The following N4BP2 variants were observed in gnomAD, a reference collection of about 807,000 sequenced individuals.
The protein encoded by N4BP2 is NEDD4 binding protein 2.
In N4BP2, 91 loss-of-function variants were observed where a neutral mutation model predicts 152.8. The observed-to-expected ratio is 0.60, with a 90% CI of 0.50 to 0.71. The LOEUF is 0.71. N4BP2 is among the 30% of genes least tolerant of loss of function. The pLI is 0.00. For missense variants in N4BP2, 1,923 were observed against 2,059.1 expected (o/e 0.93, Z 1.28); for synonymous variants, 646 against 705.3 (o/e 0.92, Z 1.33).
At chr4:40,179,763 T>G in the N4BP2 span, among the ~76,000 whole-genome samples, 77 of 139,238 alleles carry the variant, frequency 5.5e-4, no homozygotes, top group Non-Finnish European at 9.8e-4. Context: ...GCCTTTCTTT[T>G]TTTTTTTTTT....
the N4BP2 span, among the ~76,000 whole-genome samples, chr4:40,189,744 C>G: frequency 2.6e-5 from 4 of 152,004 alleles, no homozygotes; most frequent in African/African-American, 9.7e-5. This position sits in a 1 kb window ranked among gnomAD's most constrained non-coding sequence, Gnocchi z 4.3. Flanking sequence ...CAAAAATTAG[C>G]TGGGCATGGT....
At chr4:40,141,201 G>A (rs1247250777) in intron 14 of N4BP2, among the ~76,000 whole-genome samples, 1 of 147,280 alleles carries the variant, frequency 6.8e-6, no homozygotes, top group African/African-American at 2.5e-5. Flanking sequence ...CGGAGGGGGC[G>A]GCTGGCCTGG....
At chr4:40,067,253 T>G (rs1422289623) in intron 1 of N4BP2, among the ~76,000 whole-genome samples, 1 of 151,976 alleles carries the variant, frequency 6.6e-6, no homozygotes, top group East Asian at 1.9e-4. Flanking sequence ...TTTTGCCATG[T>G]TGCCCGGGCT....
At chr4:40,066,896 C>G (rs888662793) in intron 1 of N4BP2, among the ~76,000 whole-genome samples, 2 of 152,058 alleles carry the variant, frequency 1.3e-5, no homozygotes, top group Admixed American at 1.3e-4. Flanking sequence ...CACGATTCTA[C>G]TTTCTGTGTC....
At position 40,121,752 on chromosome 4, in the gene N4BP2, A is replaced by G; in HGVS notation, c.3641A>G (p.His1214Arg). 6.2e-7 allele frequency: 1 copy of G among 1,613,966 alleles called. No homozygotes were observed. The highest frequency in any genetic ancestry group is 8.5e-7 in the Non-Finnish European group (1 of 1,179,982). ...ATGAGAGCTGTCACTCCTGAAAACC[A>G]TGAATCGATGACAAGTATATTTCCC... ...AEMRAVTPEN[H>R]ESMTSIFPSA... Residue 1214 changes from histidine to arginine, a missense_variant, in exon 9 of 18, where the codon CAT becomes CGT. Transcript: ENST00000261435.
chr4:40,166,494 A>G, the N4BP2 span, among the ~76,000 whole-genome samples: 1 of 152,158 alleles, frequency 6.6e-6, no homozygotes, highest in Non-Finnish European at 1.5e-5. Flanking sequence ...GTTCAAGACC[A>G]GCCTGACCAA....
At chr4:40,130,296 C>T (rs1560626167) in intron 12 of N4BP2, among the ~76,000 whole-genome samples, 1 of 151,992 alleles carries the variant, frequency 6.6e-6, no homozygotes, top group Non-Finnish European at 1.5e-5. Context: ...TTCCAAAGTG[C>T]TAGGATTATA....
In N4BP2 at chr4:40,142,760, G is replaced by C. The variant is rs768013652; in HGVS notation, c.4873G>C (p.Glu1625Gln). The change falls in exon 15 of 18, where the codon GAG (glutamate) becomes CAG (glutamine). Residue 1625 changes from glutamate to glutamine, a missense_variant. Physicochemically the swap from Glu to Gln is conservative, Grantham distance 29. Coordinates refer to ENST00000261435, the MANE Select transcript of N4BP2 (RefSeq NM_018177.6). ...EYPDYDDYRA[E>Q]AFLHQQKRME... is the part of the protein sequence containing the mutation. ...CCCAGACTATGATGACTACAGAGCA[G>C]AGGCTTTCCTTCACCAACAGAAGAG... is the stretch of plus-strand genomic sequence containing the variant. 1 of 1,614,046 alleles carries C rather than the reference G, an allele frequency of 6.2e-7. No homozygotes were observed. Among genetic ancestry groups the C allele is most frequent in the Admixed American group, 1.7e-5 (1 of 60,026 alleles).
At chr4:40,143,966 T>C (rs992483315) in intron 15 of N4BP2, among the ~76,000 whole-genome samples, 1 of 152,096 alleles carries the variant, frequency 6.6e-6, no homozygotes, top group African/African-American at 2.4e-5. Flanking sequence ...AAGAATTCGA[T>C]AGCATAGCTT....
the N4BP2 span, among the ~76,000 whole-genome samples, chr4:40,175,303 A>G: frequency 6.7e-6 from 1 of 150,370 alleles, no homozygotes; most frequent in Non-Finnish European, 1.5e-5. Context: ...GATTATAGGC[A>G]TGAGCCACCA....
intron 14 of N4BP2, among the ~76,000 whole-genome samples, chr4:40,139,677 G>C (rs560502377): frequency 2.0e-5 from 3 of 151,926 alleles, no homozygotes; most frequent in African/African-American, 4.8e-5. Flanking sequence ...ATTTTTAGTA[G>C]AGACGGGGTT....
chr4:40,063,562 C>T (rs375734255), intron 1 of N4BP2, among the ~76,000 whole-genome samples: 11 of 152,036 alleles, frequency 7.2e-5, no homozygotes, highest in South Asian at 2.1e-4. Flanking sequence ...GGGGAGAGGA[C>T]GGAGTTCTGG....
intron 13 of N4BP2, among the ~76,000 whole-genome samples, chr4:40,132,887 A>T (rs1719025598): frequency 1.4e-5 from 2 of 148,030 alleles, no homozygotes; most frequent in Non-Finnish European, 1.5e-5. Flanking sequence ...ATTCATTGGT[A>T]TTTTTACAAT....
intron 2 of N4BP2, among the ~76,000 whole-genome samples, chr4:40,084,230 C>T (rs1284831145): frequency 2.6e-5 from 4 of 152,128 alleles, no homozygotes; most frequent in African/African-American, 9.7e-5. Flanking sequence ...GGATTACAGG[C>T]GTGAGCCACC....
intron 13 of N4BP2, among the ~76,000 whole-genome samples, chr4:40,133,852 C>T (rs1015650519): frequency 1.3e-5 from 2 of 152,204 alleles, no homozygotes; most frequent in Non-Finnish European, 2.9e-5. Context: ...GTTGCCCAGG[C>T]TGGAGTGCAG....
intron 1 of N4BP2, among the ~76,000 whole-genome samples, chr4:40,059,512 G>GC (rs1428092235): frequency 1.3e-4 from 20 of 152,038 alleles, no homozygotes; most frequent in African/African-American, 4.4e-4. Context: ...ACCACACCTG[G>GC]CTAACTTCTG....
intron 2 of N4BP2, among the ~76,000 whole-genome samples, chr4:40,096,996 TG>T (rs1157794550): frequency 8.5e-5 from 13 of 152,194 alleles, no homozygotes; most frequent in African/African-American, 3.1e-4. Context: ...AATGAAAAAA[TG>T]TATTGAAATA....
At chr4:40,079,987 AG>A (rs1553918902) in intron 2 of N4BP2, among the ~76,000 whole-genome samples, 1 of 151,924 alleles carries the variant, frequency 6.6e-6, no homozygotes. Context: ...TGAGGATGGG[AG>A]GGGGGGATAT....
chr4:40,136,867 G>A, intron 13 of N4BP2, 77 bp from the exon 14 acceptor site: 1 of 1,081,498 alleles, frequency 9.2e-7, no homozygotes, highest in Non-Finnish European at 1.3e-6. Context: ...TAAGATGTTT[G>A]AAGATTGCTT....
Sources: gnomAD v4.1 joint callset for allele counts (sites outside exome capture counted in the v4.1 genomes callset) on GRCh38, gnomAD v4.1.1 for gene constraint, Gnocchi (gnomAD v3.1) non-coding constraint, MANE v1.5 for transcripts, NCBI Gene and HGNC (gene_info 2026-07-23, HGNC 2026-07-21) for gene names.